The following ATP8B4 variants were observed in gnomAD, a reference collection of about 807,000 sequenced individuals.
ATP8B4 encodes ATPase phospholipid transporting 8B4 (putative), also known as probable phospholipid-transporting ATPase IM.
A neutral mutation model predicts 145.6 loss-of-function variants in ATP8B4; 133 were observed. The ratio of observed to expected loss-of-function variants is 0.91; its 90% CI spans 0.79 to 1.05. ATP8B4 has a LOEUF of 1.05. Among genes scored for constraint, ATP8B4 ranks in the 50% least tolerant of loss-of-function variants. The pLI, the probability that ATP8B4 is intolerant of heterozygous loss-of-function variation, is 0.00. For synonymous variants in ATP8B4, 507 were observed against 492.9 expected (o/e 1.03, Z -0.38); for missense variants, 1,458 against 1,425.2 (o/e 1.02, Z -0.37).
intron 20 of ATP8B4, among the ~76,000 whole-genome samples, chr15:49,909,347 G>A (rs2038976769): frequency 6.6e-6 from 1 of 152,192 alleles, no homozygotes; most frequent in Non-Finnish European, 1.5e-5. Context: ...GGCCTGACCA[G>A]CCTGTCACAG....
chr15:50,046,689 T>C (rs1223380592), intron 4 of ATP8B4, among the ~76,000 whole-genome samples: 1 of 152,222 alleles, frequency 6.6e-6, no homozygotes, highest in South Asian at 2.1e-4. Flanking sequence ...GGTAAATAAC[T>C]GGCTAACATG....
chr15:49,897,333 C>T lies in ATP8B4; in HGVS notation c.2656G>A (p.Val886Met), dbSNP rs909644023. Residue 886 changes from valine (V) to methionine (M), a missense_variant, in exon 23 of 28, where the codon GTG (valine) becomes ATG (methionine). Val to Met is a conservative substitution (Grantham distance 21). Transcript: ENST00000284509. ...FFYKNFAFTL[V>M]HFWFGFFCGF... Reference sequence around the variant, plus strand: ...CAGAAGAAACCAAACCAGAAATGCACAAGTGTAAATGCAAAATTCTTATAG... The same window carrying T: ...CAGAAGAAACCAAACCAGAAATGCATAAGTGTAAATGCAAAATTCTTATAG... The T allele has an allele frequency of 1.9e-6, 3 of 1,612,892 alleles. No homozygotes were observed. The highest frequency in any genetic ancestry group is 1.7e-5 in the Admixed American group (1 of 59,774).
At position 50,153,545 on chromosome 15, in the gene ATP8B4, G is replaced by A. The variant is rs1315420685; in HGVS notation, c.-43+28716C>T. 2.0e-5 allele frequency among the ~76,000 whole-genome samples: 3 copies of A among 152,100 alleles called. No homozygotes were observed. The East Asian group carries it at 5.8e-4, about 29-fold the overall frequency. ...GTAGAGACGGGGTTTCACCGTGTTA[G>A]CCAGGATAGTCTCGATCTCCTGACC... On this transcript the variant is annotated intron_variant, in intron 1 of 3. Transcript: ENST00000558829.
At chr15:50,156,448 T>C (rs1326252296) in intron 1 of ATP8B4, among the ~76,000 whole-genome samples, 1 of 152,122 alleles carries the variant, frequency 6.6e-6, no homozygotes, top group Non-Finnish European at 1.5e-5. Context: ...GGGTACATAA[T>C]GCTGCTGTAA....
chr15:49,989,178 T>C (rs2153544804), intron 9 of ATP8B4, among the ~76,000 whole-genome samples: 1 of 152,226 alleles, frequency 6.6e-6, no homozygotes, highest in East Asian at 1.9e-4. Flanking sequence ...AAAAAGTAAA[T>C]TAAAACTGAT....
chr15:50,126,873 C>T (rs1001486359), intron 1 of ATP8B4, among the ~76,000 whole-genome samples: 9 of 152,252 alleles, frequency 5.9e-5, no homozygotes, highest in Non-Finnish European at 8.8e-5. Flanking sequence ...CACACCCCCC[C>T]GCCACCAAAT....
intron 15 of ATP8B4, 109 bp from the exon 16 acceptor site, chr15:49,931,416 T>C: frequency 9.3e-7 from 1 of 1,069,744 alleles, no homozygotes; most frequent in Non-Finnish European, 1.3e-6. Context: ...GCATCAGGTC[T>C]AAAAATCTTT....
chr15:50,147,338 C>G (rs2044290277), intron 1 of ATP8B4, among the ~76,000 whole-genome samples: 1 of 149,522 alleles, frequency 6.7e-6, no homozygotes, highest in Non-Finnish European at 1.5e-5. Context: ...ATCGCTTGAA[C>G]TGGGGAGGCG....
chr15:49,946,431 C>T, intron 14 of ATP8B4, among the ~76,000 whole-genome samples: 1 of 152,184 alleles, frequency 6.6e-6, no homozygotes, highest in Non-Finnish European at 1.5e-5. Context: ...ATACCACACA[C>T]AAACGGACTA....
In ATP8B4 at chr15:49,918,879, T is replaced by C; in HGVS notation, c.1995A>G (p.Leu665=). ...GVIETVTSLS[L]ANIKIWVLTG... ...TTAGGACCCAGATCTTAATATTGGCTAGTGATAAACTTGTAACTGTTTCAA... is the reference window on the plus strand; with the variant it reads ...TTAGGACCCAGATCTTAATATTGGCCAGTGATAAACTTGTAACTGTTTCAA... Residue 665 remains leucine (L), a synonymous_variant, in exon 19 of 28, where the codon CTA becomes CTG. Coordinates refer to ENST00000284509, the MANE Select transcript of ATP8B4 (RefSeq NM_024837.4). The C allele has an allele frequency of 6.2e-7, 1 of 1,613,590 alleles. No homozygotes were observed. Among genetic ancestry groups the C allele is most frequent in the Non-Finnish European group, 8.5e-7 (1 of 1,179,602 alleles).
chr15:50,170,528 G>A (rs998040977), intron 1 of ATP8B4, among the ~76,000 whole-genome samples: 1 of 147,142 alleles, frequency 6.8e-6, no homozygotes, highest in Admixed American at 7.1e-5. Context: ...CTGCTAAAGG[G>A]AGCCCTAAAT....
intron 20 of ATP8B4, among the ~76,000 whole-genome samples, chr15:49,912,369 C>T (rs8033713): frequency 0.87 from 132,774 of 152,216 alleles, 58,526 homozygotes; most frequent in African/African-American, 0.97. Flanking sequence ...CAGAAATATA[C>T]AAGATCAAGA....
intron 21 of ATP8B4, among the ~76,000 whole-genome samples, chr15:49,899,456 T>C (rs966246253): frequency 1.3e-5 from 2 of 152,156 alleles, no homozygotes; most frequent in African/African-American, 4.8e-5. Flanking sequence ...TTAATAAAAA[T>C]GTCAATGGAT....
chr15:49,958,806 A>G (rs1257231690), intron 14 of ATP8B4, among the ~76,000 whole-genome samples: 1 of 152,012 alleles, frequency 6.6e-6, no homozygotes, highest in African/African-American at 2.4e-5. Context: ...TAACTACTGT[A>G]GACAAGACTG....
intron 5 of ATP8B4, among the ~76,000 whole-genome samples, chr15:50,044,199 T>G (rs1460248616): frequency 6.6e-6 from 1 of 152,298 alleles, no homozygotes; most frequent in East Asian, 1.9e-4. Context: ...ATGACAAGAA[T>G]GTATAAGAAT....
chr15:50,164,145 C>G (rs2140849355), intron 1 of ATP8B4, among the ~76,000 whole-genome samples: 1 of 152,064 alleles, frequency 6.6e-6, no homozygotes. Flanking sequence ...AGCTGGTACT[C>G]AAGCTACAAG....
At chr15:50,069,672 T>C (rs1417171735) in intron 3 of ATP8B4, among the ~76,000 whole-genome samples, 2 of 152,230 alleles carry the variant, frequency 1.3e-5, no homozygotes, top group Admixed American at 6.5e-5. Flanking sequence ...GTTTTGTTGT[T>C]GTTGTTTGGT....
intron 14 of ATP8B4, among the ~76,000 whole-genome samples, chr15:49,940,334 G>A (rs1421811602): frequency 2.0e-5 from 3 of 152,108 alleles, no homozygotes; most frequent in African/African-American, 7.2e-5. Context: ...TTATAAGTGG[G>A]AGCTAAACAT....
At chr15:49,990,308 T>C (rs1209726066) in intron 9 of ATP8B4, among the ~76,000 whole-genome samples, 1 of 152,126 alleles carries the variant, frequency 6.6e-6, no homozygotes, top group Non-Finnish European at 1.5e-5. Flanking sequence ...AGTTTGACAA[T>C]CGATGAGGAA....
Sources: allele counts gnomAD v4.1 joint callset (sites outside exome capture counted in the v4.1 genomes callset), GRCh38; gene constraint gnomAD v4.1.1; transcripts MANE v1.5; gene names NCBI Gene and HGNC (gene_info 2026-07-23, HGNC 2026-07-21).